FLRT2: variants seen among roughly 807,000 people sequenced by gnomAD.
The protein encoded by FLRT2 is fibronectin leucine rich transmembrane protein 2, also known as leucine-rich repeat transmembrane protein FLRT2.
Under a neutral mutation model 40.0 loss-of-function variants are expected in FLRT2, and 15 were observed. The ratio of observed to expected loss-of-function variants is 0.38; its 90% confidence interval spans 0.25 to 0.58. The LOEUF is 0.58. Ranked by LOEUF, FLRT2 falls within the 20% of genes least tolerant of loss-of-function variation. FLRT2 has a pLI of 0.71. For missense variants in FLRT2, 726 were observed against 840.0 expected (o/e 0.86, Z 1.68); for synonymous variants, 380 against 336.8 (o/e 1.13, Z -1.41).
At chr14:85,567,634 C>CTT (rs1566732052) in intron 1 of FLRT2, among the ~76,000 whole-genome samples, 12 of 126,106 alleles carry the variant, frequency 9.5e-5, no homozygotes, top group Non-Finnish European at 1.6e-4. Flanking sequence ...AAGTGACTTA[C>CTT]ATTTTTTTTT....
At chr14:85,558,045 T>C (rs28440830) in intron 1 of FLRT2, among the ~76,000 whole-genome samples, 1 of 144,112 alleles carries the variant, frequency 6.9e-6, no homozygotes, top group African/African-American at 3.0e-5. Context: ...AGAAAGCATC[T>C]GTAGACTTCC....
intron 1 of FLRT2, among the ~76,000 whole-genome samples, chr14:85,588,584 A>G (rs758067656): frequency 2.6e-5 from 4 of 152,100 alleles, no homozygotes; most frequent in Non-Finnish European, 4.4e-5. Context: ...TGGGGTATCC[A>G]TCCTCTTAAG....
At chr14:85,563,980 A>G (rs1281003096) in intron 1 of FLRT2, among the ~76,000 whole-genome samples, 1 of 152,172 alleles carries the variant, frequency 6.6e-6, no homozygotes, top group Non-Finnish European at 1.5e-5. Context: ...TAGAAGCCCT[A>G]GTGTGAAAGG....
At chr14:85,584,034 G>A (rs555476583) in intron 1 of FLRT2, among the ~76,000 whole-genome samples, 45 of 151,608 alleles carry the variant, frequency 3.0e-4, no homozygotes, top group South Asian at 2.9e-3. Context: ...GCAGTAGACC[G>A]TCTTTATTCT....
intron 1 of FLRT2, among the ~76,000 whole-genome samples, chr14:85,609,134 C>T (rs78704462): frequency 0.021 from 3,257 of 152,238 alleles, 60 homozygotes; most frequent in South Asian, 0.08. Context: ...CTTCCCAATC[C>T]GAACAAGCTT....
chr14:85,594,488 C>A (rs1209444861), intron 1 of FLRT2, among the ~76,000 whole-genome samples: 1 of 152,188 alleles, frequency 6.6e-6, no homozygotes, highest in East Asian at 1.9e-4. Flanking sequence ...CTTAGCTTGA[C>A]TGTGACTATT....
rs1043803458 is a variant in FLRT2, at chr14:85,634,018, T to C, written c.*10521T>C. 2.6e-5 allele frequency: 4 copies of C among 152,148 alleles called. No homozygotes were observed. Among genetic ancestry groups the C allele is most frequent in the Non-Finnish European group, 5.9e-5 (4 of 68,036 alleles). 9.4% of individuals were successfully genotyped at this position (152,148 alleles called of 1,614,324 possible). ...CTACCACCTGTCATGTGGTTACTTT[T>C]TGCAATCGATATCATTATTAAGTTT... On this transcript the variant is annotated 3_prime_UTR_variant, in exon 2 of 2. Coordinates refer to ENST00000330753, the MANE Select transcript of FLRT2 (RefSeq NM_013231.6).
chr14:85,604,927 GCCGA>G, intron 1 of FLRT2, among the ~76,000 whole-genome samples: 1 of 152,216 alleles, frequency 6.6e-6, no homozygotes, highest in East Asian at 1.9e-4. Flanking sequence ...TCCTGTTAGT[GCCGA>G]CATGATTCTT....
rs1217967785 is a variant in FLRT2 at position 85,643,286 on chromosome 14, C to CTTT, written c.*19795_*19797dup. The CTTT allele has an allele frequency of 6.8e-6, 1 of 146,586 alleles. No homozygotes were observed. The allele number at this position is 146,586 out of a possible 1,614,324, so 9.1% of individuals were successfully genotyped here. A position where few individuals can be genotyped will look rare whatever the true frequency, so the allele number is the denominator to read the frequency against. On this transcript the variant is annotated 3_prime_UTR_variant, in exon 2 of 2. Coordinates refer to ENST00000330753, the MANE Select transcript of FLRT2 (RefSeq NM_013231.6). Reference sequence around the variant, plus strand: ...TCATGAGAGAGTTCAGAGGGTATTTCTTTTTTTTCTTTCTTTCTTTCTTTC... The same window carrying CTTT: ...TCATGAGAGAGTTCAGAGGGTATTTCTTTTTTTTTTTCTTTCTTTCTTTCTTTC...
chr14:85,645,841 T>C lies in FLRT2; in HGVS notation c.*22344T>C, dbSNP rs1463469323. On this transcript the variant is annotated 3_prime_UTR_variant, in exon 2 of 2. Transcript: ENST00000330753. ...ATATGCATTCAACAACATAGTTCAT[T>C]TGGTAGAGTCAATACTGAGTACCTA... is the stretch of plus-strand genomic sequence containing the variant. The C allele has an allele frequency of 6.6e-6, 1 of 152,150 alleles. No individual in the cohort carries two copies. The highest frequency in any genetic ancestry group is 1.5e-5 in the Non-Finnish European group (1 of 68,040). 9.4% of individuals were successfully genotyped at this position (152,150 alleles called of 1,614,324 possible).
chr14:85,586,730 A>G (rs1891634375), intron 1 of FLRT2, among the ~76,000 whole-genome samples: 1 of 152,148 alleles, frequency 6.6e-6, no homozygotes, highest in Admixed American at 6.6e-5. Context: ...CAAAGTAAAA[A>G]GGAAAAAATA....
chr14:85,551,891 A>G (rs780581414), intron 1 of FLRT2: 3 of 152,142 alleles, frequency 2.0e-5, no homozygotes, highest in Non-Finnish European at 2.9e-5. Flanking sequence ...GTGGTAGGTA[A>G]GGCATATGTA....
Position 85,632,652 on chromosome 14 carries a change from C to T in FLRT2, c.*9155C>T, listed in dbSNP as rs1416798592. The stretch of plus-strand genomic sequence containing the variant: ...AAAATTAAAAAAGACAGTCATTATT[C>T]ACTATGTCATATCCCATATAAAAAT... On this transcript the variant is annotated 3_prime_UTR_variant, in exon 2 of 2. Coordinates refer to ENST00000330753, the MANE Select transcript of FLRT2 (RefSeq NM_013231.6). 2 of 151,518 alleles carry T rather than the reference C, an allele frequency of 1.3e-5. No individual in the cohort carries two copies. The highest frequency in any genetic ancestry group is 4.9e-5 in the African/African-American group (2 of 41,176). The allele number at this position is 151,518 out of a possible 1,614,324, so 9.4% of individuals were successfully genotyped here.
intron 1 of FLRT2, among the ~76,000 whole-genome samples, chr14:85,566,549 T>TTGTGTGTG (rs61634735): frequency 0.068 from 8,913 of 130,808 alleles, 357 homozygotes; most frequent in African/African-American, 0.11. Context: ...ACTTCCATGG[T>TTGTGTGTG]TGTGTGTGTG....
chr14:85,602,949 A>G (rs1892443161), intron 1 of FLRT2, among the ~76,000 whole-genome samples: 1 of 152,100 alleles, frequency 6.6e-6, no homozygotes, highest in Non-Finnish European at 1.5e-5. Context: ...GGGGCATTTG[A>G]GCGCATAACT....
Position 85,622,518 on chromosome 14 carries a change from G to C in FLRT2, c.1004G>C (p.Arg335Pro). 2 of 1,613,964 alleles carry C rather than the reference G, an allele frequency of 1.2e-6. No homozygotes were observed. The highest frequency in any genetic ancestry group is 8.5e-7 in the Non-Finnish European group (1 of 1,180,010). The change falls in exon 2 of 2, where the codon CGG (arginine) becomes CCG (proline). Residue 335 changes from arginine to proline, a missense_variant. Around this residue, in one of 3 missense-constraint regions of FLRT2, gnomAD observed 611 missense variants for 690.0 expected, o/e 0.89. Transcript: ENST00000330753. ...TATATCCCTTCATCTCTCAACGTGC[G>C]GGGTTTCATGTGCCAAGGTCCTGAA... ...LKYIPSSLNV[R>P]GFMCQGPEQV...
chr14:85,575,007 T>C (rs1891066497), intron 1 of FLRT2, among the ~76,000 whole-genome samples: 1 of 152,234 alleles, frequency 6.6e-6, no homozygotes, highest in Non-Finnish European at 1.5e-5. Context: ...TTCATTTCTA[T>C]TGAAACTGAT....
intron 1 of FLRT2, among the ~76,000 whole-genome samples, chr14:85,571,276 G>C (rs1430773672): frequency 1.3e-5 from 2 of 152,086 alleles, no homozygotes; most frequent in Non-Finnish European, 2.9e-5. Context: ...TTTGAGAATA[G>C]AAATTATCAC....
intron 1 of FLRT2, among the ~76,000 whole-genome samples, chr14:85,594,566 A>G (rs908220103): frequency 6.6e-6 from 1 of 152,220 alleles, no homozygotes; most frequent in Admixed American, 6.5e-5. Flanking sequence ...TAAACAGTTG[A>G]GAACTTTCTC....
Sources: allele counts gnomAD v4.1 joint callset (sites outside exome capture counted in the v4.1 genomes callset), GRCh38; gene constraint gnomAD v4.1.1; regional missense constraint gnomAD v4.1.1; transcripts MANE v1.5; gene names NCBI Gene and HGNC (gene_info 2026-07-23, HGNC 2026-07-21).